SUPT3H: variants seen among roughly 807,000 people sequenced by gnomAD.
SUPT3H encodes SPT3 homolog, SAGA and STAGA complex component, also known as transcription initiation protein SPT3 homolog.
Under a neutral mutation model 44.3 loss-of-function variants are expected in SUPT3H, and 44 were observed. The ratio of observed to expected loss-of-function variants is 0.99; its 90% CI spans 0.78 to 1.28. The LOEUF is 1.28. Among genes scored for constraint, SUPT3H ranks in the 50% most tolerant of loss-of-function variants. SUPT3H has a pLI of 0.00. For synonymous variants in SUPT3H, 124 were observed against 125.6 expected, an observed-to-expected ratio of 0.99 and a Z score of 0.09; for missense variants, 380 against 387.1, an observed-to-expected ratio of 0.98 and a Z score of 0.15.
At chr6:45,195,648 G>A (rs1221827417) in intron 2 of SUPT3H, among the ~76,000 whole-genome samples, 4 of 152,176 alleles carry the variant, frequency 2.6e-5, no homozygotes, top group Admixed American at 2.6e-4. Context: ...ATTTCTGATT[G>A]TTTTTGACTT....
chr6:45,202,729 T>C (rs10948214), intron 2 of SUPT3H, among the ~76,000 whole-genome samples: 34,801 of 152,026 alleles, frequency 0.23, 4,622 homozygotes, highest in Non-Finnish European at 0.31. Context: ...AAAAAATGTT[T>C]ATCAATATTA....
chr6:44,948,533 C>CA (rs1435954200), intron 9 of SUPT3H, among the ~76,000 whole-genome samples: 3 of 152,148 alleles, frequency 2.0e-5, no homozygotes, highest in Non-Finnish European at 4.4e-5. Flanking sequence ...AGAACTTAAA[C>CA]AAATTTACAA....
chr6:45,157,511 A>G (rs1329377588), intron 2 of SUPT3H, among the ~76,000 whole-genome samples: 1 of 151,542 alleles, frequency 6.6e-6, no homozygotes, highest in Non-Finnish European at 1.5e-5. Context: ...ATATGTATAT[A>G]TATGATGCCT....
At chr6:45,112,444 G>A (rs534275499) in intron 2 of SUPT3H, among the ~76,000 whole-genome samples, 40 of 151,928 alleles carry the variant, frequency 2.6e-4, no homozygotes, top group Non-Finnish European at 5.4e-4. Flanking sequence ...ATATTATCAC[G>A]GAATTTTACA....
chr6:44,948,375 C>A (rs1773692888), intron 9 of SUPT3H, among the ~76,000 whole-genome samples: 1 of 152,044 alleles, frequency 6.6e-6, no homozygotes. Flanking sequence ...GCAACAGAAG[C>A]CAAAATTGAC....
chr6:45,262,097 AG>A (rs1200495688), intron 2 of SUPT3H, among the ~76,000 whole-genome samples: 1 of 152,176 alleles, frequency 6.6e-6, no homozygotes, highest in African/African-American at 2.4e-5. Flanking sequence ...ATGGAAATAT[AG>A]TCCATGCTTG....
intron 5 of SUPT3H, 45 bp downstream of exon 5, chr6:45,014,754 CAT>C (rs772578214): frequency 1.8e-5 from 25 of 1,354,130 alleles, no homozygotes; most frequent in Middle Eastern, 1.9e-4. Context: ...ATCCAGCACA[CAT>C]GTGTCATAAG....
chr6:44,878,931 A>G (rs1329739504), intron 10 of SUPT3H, among the ~76,000 whole-genome samples: 1 of 152,154 alleles, frequency 6.6e-6, no homozygotes, highest in Non-Finnish European at 1.5e-5. Context: ...CGCAACCCTC[A>G]GACCAAGAGA....
chr6:44,969,497 C>G (rs982638891), intron 6 of SUPT3H, among the ~76,000 whole-genome samples: 1 of 151,774 alleles, frequency 6.6e-6, no homozygotes, highest in Non-Finnish European at 1.5e-5. Flanking sequence ...ACTTGACTTA[C>G]AGGAAGTCAT....
intron 3 of SUPT3H, among the ~76,000 whole-genome samples, chr6:45,100,209 T>A (rs1409896296): frequency 6.6e-6 from 1 of 151,906 alleles, no homozygotes; most frequent in Non-Finnish European, 1.5e-5. Flanking sequence ...AACTCAAAAG[T>A]ACAGGCAACA....
chr6:45,139,085 A>G (rs1804768547), intron 2 of SUPT3H, among the ~76,000 whole-genome samples: 1 of 152,166 alleles, frequency 6.6e-6, no homozygotes, highest in East Asian at 1.9e-4. Flanking sequence ...CCCCCCTTTT[A>G]AGTCACACTG....
rs1477938958 is a variant in SUPT3H at position 44,891,080 on chromosome 6, T to A, written c.912+41573A>T. ...CCACCATGGCACATGTATACCTATG[T>A]AACAAACCTGTACATTCTGCACATG... On this transcript the variant is annotated intron_variant, in intron 10 of 10. Coordinates refer to ENST00000371459, the MANE Select transcript of SUPT3H (RefSeq NM_003599.4). 2.0e-5 allele frequency among the ~76,000 whole-genome samples: 3 copies of A among 152,184 alleles called. No individual in the cohort carries two copies. The East Asian group carries it at 5.8e-4, about 29-fold the overall frequency.
chr6:45,248,593 C>T (rs758392322), intron 2 of SUPT3H, among the ~76,000 whole-genome samples: 3 of 151,986 alleles, frequency 2.0e-5, no homozygotes, highest in African/African-American at 4.8e-5. Context: ...ACTGGCAATG[C>T]GAAGTGCCAA....
chr6:45,289,843 A>G (rs1049397008), intron 2 of SUPT3H, among the ~76,000 whole-genome samples: 4 of 152,198 alleles, frequency 2.6e-5, no homozygotes, highest in Non-Finnish European at 5.9e-5. Flanking sequence ...ACTAGTACAG[A>G]GGAGACTGAA....
At chr6:45,323,806 T>A (rs558435909) in intron 2 of SUPT3H, among the ~76,000 whole-genome samples, 1 of 152,078 alleles carries the variant, frequency 6.6e-6, no homozygotes, top group Non-Finnish European at 1.5e-5. Context: ...CCTACAGCCA[T>A]GTTCCATAGC....
chr6:45,102,887 C>T (rs964488874), intron 3 of SUPT3H, among the ~76,000 whole-genome samples: 3 of 150,730 alleles, frequency 2.0e-5, no homozygotes, highest in Non-Finnish European at 2.9e-5. Context: ...TGTAGTGAGC[C>T]GAGATCATGC....
chr6:45,324,938 A>G (rs1786121886), intron 2 of SUPT3H, among the ~76,000 whole-genome samples: 1 of 151,962 alleles, frequency 6.6e-6, no homozygotes, highest in South Asian at 2.1e-4. Flanking sequence ...CAGTCACCAT[A>G]ATTTAACAGA....
intron 2 of SUPT3H, among the ~76,000 whole-genome samples, chr6:45,315,656 G>T (rs1784568778): frequency 6.6e-6 from 1 of 152,066 alleles, no homozygotes; most frequent in South Asian, 2.1e-4. Flanking sequence ...CGGTGAACAG[G>T]GAACACTTCT....
intron 2 of SUPT3H, among the ~76,000 whole-genome samples, chr6:45,198,330 C>T (rs1472918409): frequency 6.6e-6 from 1 of 151,344 alleles, no homozygotes; most frequent in African/African-American, 2.4e-5. Flanking sequence ...GTATAAATGT[C>T]TACCTCATTT....
Sources: allele counts gnomAD v4.1 joint callset (sites outside exome capture counted in the v4.1 genomes callset), GRCh38; gene constraint gnomAD v4.1.1; transcripts MANE v1.5; gene names NCBI Gene and HGNC (gene_info 2026-07-23, HGNC 2026-07-21).